The following SCN9A variants were observed in gnomAD, a reference collection of about 807,000 sequenced individuals.
SCN9A encodes the protein sodium voltage-gated channel alpha subunit 9.
In SCN9A, 131 loss-of-function variants were observed where a neutral mutation model predicts 187.0. The ratio of observed to expected loss-of-function variants is 0.70; its 90% CI spans 0.61 to 0.81. The LOEUF is 0.81. Ranked by LOEUF, SCN9A falls within the 30% of genes least tolerant of loss-of-function variation. The probability of loss-of-function intolerance (pLI) is 0.00; values close to 1 mark genes in which losing one functional copy is unlikely to be tolerated. For synonymous variants in SCN9A, 809 were observed against 808.6 expected (o/e 1.00, Z -0.01); for missense variants, 2,252 against 2,396.6 (o/e 0.94, Z 1.26).
intron 1 of SCN9A, among the ~76,000 whole-genome samples, chr2:166,355,063 A>T (rs1355928668): frequency 6.6e-6 from 1 of 151,828 alleles, no homozygotes; most frequent in Non-Finnish European, 1.5e-5. Context: ...TCAGCCTCCC[A>T]AGTAGCTAGG....
rs1574756439 is a variant in SCN9A at position 166,226,658 on chromosome 2, T to G, written c.4307A>C (p.Tyr1436Ser). Residue 1436 changes from tyrosine to serine, a missense_variant, in exon 24 of 27, where the codon TAT (tyrosine) becomes TCT (serine). Tyr to Ser is a moderately radical substitution (Grantham distance 144). Around this residue, in one of 7 missense-constraint regions of SCN9A, gnomAD observed 368 missense variants for 408.6 expected, o/e 0.90. Coordinates refer to ENST00000642356, the MANE Select transcript of SCN9A (RefSeq NM_001365536.1). ...CCCAAAGATGATAAAGACGACAAAA[T>G]AAATATACATGTAGAGGCTATATTC... ...KYEYSLYMYIYFVVFIIFGSF... is the reference protein window; with the variant it reads ...KYEYSLYMYISFVVFIIFGSF... 15 of 1,591,676 alleles carry G rather than the reference T, an allele frequency of 9.4e-6. No individual in the cohort carries two copies. The highest frequency in any genetic ancestry group is 1.3e-5 in the Non-Finnish European group (15 of 1,169,208).
At chr2:166,315,709 G>A (rs1699092407) in intron 1 of SCN9A, among the ~76,000 whole-genome samples, 1 of 152,184 alleles carries the variant, frequency 6.6e-6, no homozygotes, top group South Asian at 2.1e-4. Flanking sequence ...GGCCAGTGGG[G>A]TGGCAAGATG....
chr2:166,233,270 A>G (rs1227343561), intron 21 of SCN9A, 70 bp downstream of exon 21: 1 of 1,131,916 alleles, frequency 8.8e-7, no homozygotes, highest in Non-Finnish European at 1.2e-6. Context: ...TAATTTCTAC[A>G]TACCCATTGT....
chr2:166,213,926 C>T (rs1387308568), intron 24 of SCN9A, among the ~76,000 whole-genome samples: 1 of 152,120 alleles, frequency 6.6e-6, no homozygotes, highest in African/African-American at 2.4e-5. Context: ...GCACTAACCC[C>T]ACCCTGAGCA....
chr2:166,289,148 T>A (rs776894801), intron 9 of SCN9A, among the ~76,000 whole-genome samples: 2 of 152,014 alleles, frequency 1.3e-5, no homozygotes, highest in Admixed American at 6.6e-5. Flanking sequence ...AAATAGAATT[T>A]TTTTTCAAAA....
Position 166,228,790 on chromosome 2 carries a change from T to C in SCN9A, c.4107A>G (p.Glu1369=), listed in dbSNP as rs540670090. ...GACTAACATTCATAAGGGCAAAACATTCGGAACGATTTGGAACTTGACTTG... is the reference window on the plus strand; with the variant it reads ...GACTAACATTCATAAGGGCAAAACACTCGGAACGATTTGGAACTTGACTTG... The part of the protein sequence containing the change: ...FPASQVPNRS[E]CFALMNVSQN... The change falls in exon 22 of 27, where the codon GAA becomes GAG. Residue 1369 remains glutamate, a synonymous_variant. Transcript: ENST00000642356. 2.5e-6 allele frequency: 4 copies of C among 1,613,946 alleles called. No homozygotes were observed. The South Asian group carries it at 3.3e-5, about 13-fold the overall frequency.
chr2:166,196,129 G>C lies in SCN9A; in HGVS notation c.*2543C>G, dbSNP rs2106332854. ...GTGTAACTGCCTTTCTGTATTGTTG[G>C]GTGTAATAAGTTCAGCGATTATAAA... On this transcript the variant is annotated 3_prime_UTR_variant, in exon 27 of 27. Transcript: ENST00000642356. 1 of 152,030 alleles carries C rather than the reference G, an allele frequency of 6.6e-6. No individual in the cohort carries two copies. The highest frequency in any genetic ancestry group is 1.5e-5 in the Non-Finnish European group (1 of 67,992). The allele number at this position is 152,030 out of a possible 1,614,324, so 9.4% of individuals were successfully genotyped here.
At chr2:166,258,246 G>C (rs550846748) in intron 17 of SCN9A, among the ~76,000 whole-genome samples, 3 of 151,380 alleles carry the variant, frequency 2.0e-5, no homozygotes, top group Non-Finnish European at 3.0e-5. Flanking sequence ...ATACATTTTA[G>C]AAATATTCAA....
chr2:166,261,833 C>A (rs1407480533), intron 17 of SCN9A, among the ~76,000 whole-genome samples: 1 of 151,788 alleles, frequency 6.6e-6, no homozygotes, highest in Non-Finnish European at 1.5e-5. Context: ...CCTAATATAG[C>A]CTTAATGTGA....
In SCN9A at chr2:166,251,957, T is replaced by G. The variant is rs942346590; in HGVS notation, c.3352-72A>C. The stretch of plus-strand genomic sequence containing the variant: ...TTCAAATATGATATTTAAGCCTTAT[T>G]TAATAATCAGACTCATGCAAAGTAT... On this transcript the variant is annotated intron_variant, in intron 17 of 26. Coordinates refer to ENST00000642356, the MANE Select transcript of SCN9A (RefSeq NM_001365536.1). 2.0e-6 allele frequency: 3 copies of G among 1,535,268 alleles called. No individual in the cohort carries two copies. The South Asian group carries it at 3.5e-5, about 18-fold the overall frequency.
chr2:166,296,673 T>C (rs1311324208), intron 7 of SCN9A, among the ~76,000 whole-genome samples: 1 of 152,202 alleles, frequency 6.6e-6, no homozygotes, highest in African/African-American at 2.4e-5. Context: ...GCTATACTAC[T>C]GTATTTAACA....
intron 17 of SCN9A, among the ~76,000 whole-genome samples, chr2:166,260,832 T>C (rs1696474986): frequency 6.6e-6 from 1 of 151,902 alleles, no homozygotes; most frequent in Non-Finnish European, 1.5e-5. Context: ...ATTTATGTAA[T>C]TAAGAAATAA....
chr2:166,288,267 T>A (rs969616304), intron 10 of SCN9A, among the ~76,000 whole-genome samples, 170 bp downstream of exon 10: 4 of 151,876 alleles, frequency 2.6e-5, no homozygotes. Context: ...CAATTCTAGC[T>A]CAGCCCAGAA....
intron 18 of SCN9A, among the ~76,000 whole-genome samples, chr2:166,244,615 G>A (rs1695707918): frequency 1.3e-5 from 2 of 151,870 alleles, no homozygotes; most frequent in Admixed American, 1.3e-4. Context: ...TCTGGACGGT[G>A]GTCTATTCTC....
In SCN9A at chr2:166,198,767, A is replaced by T. The variant is rs763328297; in HGVS notation, c.5872T>A (p.Tyr1958Asn). 1 of 1,613,464 alleles carries T rather than the reference A, an allele frequency of 6.2e-7. No homozygotes were observed. The highest frequency in any genetic ancestry group is 8.5e-7 in the Non-Finnish European group (1 of 1,179,616). The change falls in exon 27 of 27, where the codon TAT (tyrosine) becomes AAT (asparagine). Residue 1958 changes from tyrosine to asparagine, a missense_variant. Coordinates refer to ENST00000642356, the MANE Select transcript of SCN9A (RefSeq NM_001365536.1). Reference sequence around the variant, plus strand: ...TTGTCTGGCTTTGTTACACTATCATATGAAGGTGGAGAGGTGGTGGATGAA... The same window carrying T: ...TTGTCTGGCTTTGTTACACTATCATTTGAAGGTGGAGAGGTGGTGGATGAA... Reference protein sequence around the residue: ...ATSSTTSPPSYDSVTKPDKEK... With the variant: ...ATSSTTSPPSNDSVTKPDKEK...
chr2:166,307,208 T>A (rs1283220792), intron 2 of SCN9A, 134 bp from the exon 3 acceptor site: 1 of 577,956 alleles, frequency 1.7e-6, no homozygotes, highest in Non-Finnish European at 3.1e-6. Flanking sequence ...GCAATGTGGT[T>A]CCAATGTCAT....
At chr2:166,225,908 C>T (rs1457787553) in intron 24 of SCN9A, among the ~76,000 whole-genome samples, 1 of 152,020 alleles carries the variant, frequency 6.6e-6, no homozygotes, top group Non-Finnish European at 1.5e-5. Flanking sequence ...AGAACATGGA[C>T]CTGCTGACAC....
In SCN9A at chr2:166,286,419, CCT is replaced by C. The variant is rs1697745415; in HGVS notation, c.1517_1518del (p.Glu506GlyfsTer16). 1 of 1,613,884 alleles carries C rather than the reference CCT, an allele frequency of 6.2e-7. No individual in the cohort carries two copies. The highest frequency in any genetic ancestry group is 8.5e-7 in the Non-Finnish European group (1 of 1,179,826). On this transcript the variant is annotated frameshift_variant, in exon 11 of 27. Coordinates refer to ENST00000642356, the MANE Select transcript of SCN9A (RefSeq NM_001365536.1). LOFTEE classifies it high-confidence loss of function. ...DAEKLSKSES[E>X]DSIRRKSFHL... ...TGGAAACTTTTTCTTCTGATGCTGT[CCT>C]CTGATTCTGATTTCGACAATTTCTC...
intron 9 of SCN9A, among the ~76,000 whole-genome samples, 191 bp from the exon 10 acceptor site, chr2:166,288,834 A>T (rs186156312): frequency 9.3e-4 from 142 of 152,288 alleles, no homozygotes; most frequent in African/African-American, 3.1e-3. Flanking sequence ...TAGCAATGTA[A>T]TATGCTTGTA....
Sources: gnomAD v4.1 joint callset for allele counts (sites outside exome capture counted in the v4.1 genomes callset) on GRCh38, gnomAD v4.1.1 for gene constraint, gnomAD v4.1.1 regional missense constraint, MANE v1.5 for transcripts, NCBI Gene and HGNC (gene_info 2026-07-23, HGNC 2026-07-21) for gene names.